IGDCC3: variants seen among roughly 807,000 people sequenced by gnomAD.
IGDCC3 encodes the protein immunoglobulin superfamily DCC subclass member 3.
A neutral mutation model predicts 72.0 loss-of-function variants in IGDCC3; 47 were observed. The ratio of observed to expected loss-of-function variants is 0.65; its 90% CI spans 0.52 to 0.83. The LOEUF (loss-of-function observed/expected upper bound fraction) is 0.83. Among genes scored for constraint, IGDCC3 ranks in the 40% least tolerant of loss-of-function variants. IGDCC3 has a pLI of 0.00. For synonymous variants in IGDCC3, 477 were observed against 472.8 expected, an observed-to-expected ratio of 1.01 and a Z score of -0.11; for missense variants, 1,038 against 1,091.3, an observed-to-expected ratio of 0.95 and a Z score of 0.69.
chr15:65,329,275 G>C lies in IGDCC3; in HGVS notation c.2205+115C>G. 6.8e-7 allele frequency: 1 copy of C among 1,476,948 alleles called. No individual in the cohort carries two copies. 91.5% of individuals were successfully genotyped at this position (1,476,948 alleles called of 1,614,324 possible). A position where few individuals can be genotyped will look rare whatever the true frequency, so the allele number is the denominator to read the frequency against. ...ACTCAGGGACACAAAGAGAAGACCT[G>C]CAGTTTGACTAAGGCCAATGATCGA... On this transcript the variant is annotated intron_variant, in intron 13 of 13. Coordinates refer to ENST00000327987, the MANE Select transcript of IGDCC3 (RefSeq NM_004884.4). The surrounding 1 kb of genome is among the most constrained non-coding windows in gnomAD (Gnocchi z 4.1).
intron 2 of IGDCC3, among the ~76,000 whole-genome samples, chr15:65,371,337 A>AACTCCTGCC (rs58039123): frequency 0.017 from 2,598 of 152,344 alleles, 82 homozygotes; most frequent in African/African-American, 0.059. Context: ...AGGGCTAAGT[A>AACTCCTGCC]ACTCCTGCCA....
At chr15:65,372,246 G>A (rs746158435) in intron 2 of IGDCC3, among the ~76,000 whole-genome samples, 8 of 152,186 alleles carry the variant, frequency 5.3e-5, no homozygotes, top group East Asian at 1.9e-4. Context: ...TCACATGCAC[G>A]TTTCACAGGC....
At chr15:65,375,882 A>G (rs2091356020) in intron 1 of IGDCC3, among the ~76,000 whole-genome samples, 2 of 152,242 alleles carry the variant, frequency 1.3e-5, no homozygotes, top group Non-Finnish European at 2.9e-5. Context: ...ATCAAAGAAG[A>G]ACAATGGAGC....
rs986914230 is a variant in IGDCC3 at position 65,347,319 on chromosome 15, C to T, written c.410-11363G>A. On this transcript the variant is annotated intron_variant, in intron 2 of 13. Coordinates refer to ENST00000327987, the MANE Select transcript of IGDCC3 (RefSeq NM_004884.4). The stretch of plus-strand genomic sequence containing the variant: ...ACAGAGAGGCAGGCTGAGATCAGCT[C>T]CTGGCTCTGTCACAGATTCCCTCTG... Among the ~76,000 whole-genome samples the T allele has an allele frequency of 7.2e-5, 11 of 152,336 alleles. 1 individual carries two copies. The highest frequency in any genetic ancestry group is 3.4e-3 in the Middle Eastern group (1 of 294).
At chr15:65,341,504 T>A (rs1249676747) in intron 2 of IGDCC3, among the ~76,000 whole-genome samples, 1 of 152,206 alleles carries the variant, frequency 6.6e-6, no homozygotes, top group African/African-American at 2.4e-5. Flanking sequence ...AAACAAGATA[T>A]GCTATATCCA....
intron 2 of IGDCC3, among the ~76,000 whole-genome samples, chr15:65,337,568 C>T (rs2091042279): frequency 6.6e-6 from 1 of 152,114 alleles, no homozygotes; most frequent in Non-Finnish European, 1.5e-5. Context: ...TGAGAGGATC[C>T]CCAGGGAGCA....
At chr15:65,356,848 CTT>C (rs766472764) in intron 2 of IGDCC3, among the ~76,000 whole-genome samples, 8 of 70,876 alleles carry the variant, frequency 1.1e-4, no homozygotes, top group Admixed American at 6.1e-4. Context: ...AATGGACCTG[CTT>C]TTTTTTTTTT....
Position 65,329,545 on chromosome 15 carries a change from G to A in IGDCC3, c.2050C>T (p.Arg684Trp), listed in dbSNP as rs751862794. The change falls in exon 13 of 14, where the codon CGG (arginine) becomes TGG (tryptophan). Residue 684 changes from arginine to tryptophan, a missense_variant. By Grantham distance (101) the Arg-to-Trp change is moderately radical. Transcript: ENST00000327987. The surrounding 1 kb of genome is among the most constrained non-coding windows in gnomAD (Gnocchi z 4.1). The part of the protein sequence containing the change: ...ENQLSPPQGP[R>W]SQRDPGILAL... ...AGAATGCCAGGGTCCCTCTGGCTCC[G>A]GGGACCCTGTGGAGGGGACAGCTGG... is the stretch of plus-strand genomic sequence containing the variant. 44 of 1,608,092 alleles carry A rather than the reference G, an allele frequency of 2.7e-5. No individual in the cohort carries two copies. The Middle Eastern group carries it at 6.6e-4, about 24-fold the overall frequency.
chr15:65,340,726 CTTTCTTT>C (rs2091073039), intron 2 of IGDCC3, among the ~76,000 whole-genome samples: 1 of 151,860 alleles, frequency 6.6e-6, no homozygotes, highest in African/African-American at 2.4e-5. Flanking sequence ...TTTTCTTTTT[CTTTCTTT>C]TTTCTTTTGT....
In IGDCC3 at chr15:65,330,746, A is replaced by C; in HGVS notation, c.1562-5T>G. The C allele has an allele frequency of 6.3e-7, 1 of 1,594,438 alleles. No individual in the cohort carries two copies. Among genetic ancestry groups the C allele is most frequent in the Non-Finnish European group, 8.6e-7 (1 of 1,168,826 alleles). ...ACAGTGGGGGTGGGGCAGGGGCTGC[A>C]GGTAGAGAAGGAGGCCACGATGTGA... On this transcript the variant is annotated splice_polypyrimidine_tract_variant and splice_region_variant and intron_variant, in intron 9 of 13. Transcript: ENST00000327987.
intron 2 of IGDCC3, among the ~76,000 whole-genome samples, chr15:65,342,767 G>A (rs1026911905): frequency 2.0e-5 from 3 of 152,212 alleles, no homozygotes; most frequent in Non-Finnish European, 4.4e-5. Flanking sequence ...GGGCTGTCAC[G>A]CTGCAGGGCA....
chr15:65,377,898 C>T lies in IGDCC3; in HGVS notation c.-110G>A. 3.0e-6 allele frequency: 3 copies of T among 985,054 alleles called. No homozygotes were observed. Among genetic ancestry groups the T allele is most frequent in the Non-Finnish European group, 3.6e-6 (3 of 822,174 alleles). 61.0% of individuals were successfully genotyped at this position (985,054 alleles called of 1,614,324 possible). On this transcript the variant is annotated 5_prime_UTR_variant, in exon 1 of 14. Transcript: ENST00000327987. The surrounding 1 kb of genome is among the most constrained non-coding windows in gnomAD (Gnocchi z 4.9). ...CCGGGGCTGGGGCTCCGGCCGGGGCCGAGCCCAGGCGGTGGGGGACTGGGG... is the reference window on the plus strand; with the variant it reads ...CCGGGGCTGGGGCTCCGGCCGGGGCTGAGCCCAGGCGGTGGGGGACTGGGG...
At position 65,329,967 on chromosome 15, in the gene IGDCC3, AAGTGG is replaced by A. The variant is rs2090962024; in HGVS notation, c.1859-108_1859-104del. On this transcript the variant is annotated intron_variant, in intron 11 of 13. Coordinates refer to ENST00000327987, the MANE Select transcript of IGDCC3 (RefSeq NM_004884.4). This position sits in a 1 kb window ranked among gnomAD's most constrained non-coding sequence, Gnocchi z 4.1. Reference sequence around the variant, plus strand: ...TCTTCCTTCAGCTGCTCCCACTCCCAAGTGGGAGTGGGAACATCCTTTGACTTTGC... The same window carrying A: ...TCTTCCTTCAGCTGCTCCCACTCCCAGAGTGGGAACATCCTTTGACTTTGC... 8.3e-5 allele frequency: 104 copies of A among 1,259,334 alleles called. No homozygotes were observed. The highest frequency in any genetic ancestry group is 1.1e-4 in the Non-Finnish European group (99 of 881,152). 78.0% of individuals were successfully genotyped at this position (1,259,334 alleles called of 1,614,324 possible). A position where few individuals can be genotyped will look rare whatever the true frequency, so the allele number is the denominator to read the frequency against.
At position 65,329,633 on chromosome 15, in the gene IGDCC3, G is replaced by GA; in HGVS notation, c.1998-37dup. On this transcript the variant is annotated intron_variant, in intron 12 of 13. Coordinates refer to ENST00000327987, the MANE Select transcript of IGDCC3 (RefSeq NM_004884.4). This position sits in a 1 kb window ranked among gnomAD's most constrained non-coding sequence, Gnocchi z 4.1. The stretch of plus-strand genomic sequence containing the variant: ...GCCAAGAGTTGGGGGGAGGGAGAGA[G>GA]AAAAGAGACAGAGGCAGTGAGCCCA... 6.2e-7 allele frequency: 1 copy of GA among 1,611,926 alleles called. No homozygotes were observed. The highest frequency in any genetic ancestry group is 8.5e-7 in the Non-Finnish European group (1 of 1,178,420).
intron 2 of IGDCC3, among the ~76,000 whole-genome samples, chr15:65,349,698 G>T (rs1177781147): frequency 6.6e-6 from 1 of 152,160 alleles, no homozygotes; most frequent in Non-Finnish European, 1.5e-5. Context: ...GTTCTTGGGA[G>T]CTTCACCTTT....
intron 2 of IGDCC3, among the ~76,000 whole-genome samples, chr15:65,354,157 C>T (rs2091196003): frequency 6.6e-6 from 1 of 152,180 alleles, no homozygotes; most frequent in Non-Finnish European, 1.5e-5. Context: ...CTGCCCACCT[C>T]GCCCTCCCAA....
chr15:65,363,589 G>A (rs910759165), intron 2 of IGDCC3, among the ~76,000 whole-genome samples: 2 of 152,182 alleles, frequency 1.3e-5, no homozygotes, highest in Non-Finnish European at 2.9e-5. Context: ...AAGGGGACAG[G>A]ACAAGGACAA....
Position 65,377,869 on chromosome 15 carries a change from G to C in IGDCC3, c.-81C>G. ...CACAGCGTCCCGCGGGGCCGGCGCC[G>C]GGGCCGGGGCTGGGGCTCCGGCCGG... On this transcript the variant is annotated 5_prime_UTR_variant, in exon 1 of 14. Coordinates refer to ENST00000327987, the MANE Select transcript of IGDCC3 (RefSeq NM_004884.4). The surrounding 1 kb of genome is among the most constrained non-coding windows in gnomAD (Gnocchi z 4.9). 9.5e-7 allele frequency: 1 copy of C among 1,054,798 alleles called. No homozygotes were observed. The highest frequency in any genetic ancestry group is 1.1e-6 in the Non-Finnish European group (1 of 876,320). The allele number at this position is 1,054,798 out of a possible 1,614,324, so 65.3% of individuals were successfully genotyped here.
Position 65,331,108 on chromosome 15 carries a change from G to A in IGDCC3, c.1503C>T (p.Tyr501=), listed in dbSNP as rs745568465. The A allele has an allele frequency of 1.2e-6, 2 of 1,614,042 alleles. No individual in the cohort carries two copies. Among genetic ancestry groups the A allele is most frequent in the East Asian group, 2.2e-5 (1 of 44,894 alleles). The change falls in exon 9 of 14, where the codon TAC becomes TAT. Residue 501 remains tyrosine, a synonymous_variant. Transcript: ENST00000327987. ...STAYSFYIKA[Y]TPRGASSASV... ...AGGCTGAGCTGGCCCCCCTTGGTGTGTAGGCCTTGATGTAGAAACTGTAGG... is the reference window on the plus strand; with the variant it reads ...AGGCTGAGCTGGCCCCCCTTGGTGTATAGGCCTTGATGTAGAAACTGTAGG...
Sources: allele counts gnomAD v4.1 joint callset (sites outside exome capture counted in the v4.1 genomes callset), GRCh38; gene constraint gnomAD v4.1.1; non-coding constraint Gnocchi (gnomAD v3.1); transcripts MANE v1.5; gene names NCBI Gene and HGNC (gene_info 2026-07-23, HGNC 2026-07-21).